Variants in DNAH7 observed in about 807,000 individuals in gnomAD.
DNAH7 encodes axonemal beta dynein heavy chain 7.
A neutral mutation model predicts 444.6 loss-of-function variants in DNAH7; 397 were observed. The ratio of observed to expected loss-of-function variants is 0.89; its 90% CI spans 0.82 to 0.97. DNAH7 has a LOEUF of 0.97. DNAH7 is among the 50% of genes least tolerant of loss of function. The probability of loss-of-function intolerance (pLI) is 0.00; values close to 1 mark genes in which losing one functional copy is unlikely to be tolerated. For synonymous variants in DNAH7, 1,636 were observed against 1,624.4 expected, an observed-to-expected ratio of 1.01 and a Z score of -0.17; for missense variants, 4,902 against 4,800.8, an observed-to-expected ratio of 1.02 and a Z score of -0.62.
At chr2:195,800,074 G>T (rs80290282) in intron 54 of DNAH7, among the ~76,000 whole-genome samples, 4,589 of 152,222 alleles carry the variant, frequency 0.03, 276 homozygotes, top group East Asian at 0.26. Flanking sequence ...TGATTTGGGG[G>T]TGGAATTGCA....
chr2:196,009,058 A>T (rs1371176043), intron 10 of DNAH7, among the ~76,000 whole-genome samples: 2 of 152,146 alleles, frequency 1.3e-5, no homozygotes, highest in Admixed American at 1.3e-4. Flanking sequence ...ACACTTTTAA[A>T]CAACCAGATC....
chr2:195,928,996 C>A (rs1340213121), intron 21 of DNAH7, among the ~76,000 whole-genome samples: 2 of 152,094 alleles, frequency 1.3e-5, no homozygotes, highest in Non-Finnish European at 2.9e-5. Flanking sequence ...CCAAAAGACT[C>A]CTGGAGCTGA....
intron 62 of DNAH7, 117 bp from the exon 63 acceptor site, chr2:195,754,631 C>T: frequency 1.0e-6 from 1 of 970,428 alleles, no homozygotes; most frequent in Non-Finnish European, 1.5e-6. Flanking sequence ...TCACCTCAGC[C>T]TCCCAAGTAG....
chr2:195,783,429 C>A (rs1695481230), intron 58 of DNAH7, among the ~76,000 whole-genome samples: 1 of 152,220 alleles, frequency 6.6e-6, no homozygotes, highest in East Asian at 1.9e-4. Context: ...GGATCTTTCC[C>A]AGCCTCCTCT....
rs1331741918 is a variant in DNAH7 at position 195,808,819 on chromosome 2, A to G, written c.9946T>C (p.Tyr3316His). The G allele has an allele frequency of 3.7e-6, 6 of 1,613,952 alleles. No individual in the cohort carries two copies. Among genetic ancestry groups the G allele is most frequent in the South Asian group, 2.2e-5 (2 of 91,070 alleles). The change falls in exon 53 of 65, where the codon TAT (tyrosine) becomes CAT (histidine). Residue 3316 changes from tyrosine to histidine, a missense_variant. Physicochemically the swap from Tyr to His is moderately conservative, Grantham distance 83 (BLOSUM62 2). Coordinates refer to ENST00000312428, the MANE Select transcript of DNAH7 (RefSeq NM_018897.3). Reference sequence around the variant, plus strand: ...GGAAGCCATGTACAAAGGTTGGCATAAGGATTATCCAGTCCAATGCCACCA... The same window carrying G: ...GGAAGCCATGTACAAAGGTTGGCATGAGGATTATCCAGTCCAATGCCACCA... ...LTGGIGLDNP[Y>H]ANLCTWLPQK...
At chr2:195,915,560 ATCTT>A (rs893125246) in intron 24 of DNAH7, among the ~76,000 whole-genome samples, 13 of 152,332 alleles carry the variant, frequency 8.5e-5, no homozygotes, top group Admixed American at 3.3e-4. Context: ...ATTGAGCAGA[ATCTT>A]TCTATCTTTC....
At chr2:195,896,985 A>G (rs921924209) in intron 29 of DNAH7, among the ~76,000 whole-genome samples, 1 of 152,170 alleles carries the variant, frequency 6.6e-6, no homozygotes, top group Admixed American at 6.5e-5. Context: ...CTAGATTCCT[A>G]TATCTGGAAA....
At chr2:195,752,243 G>A (rs1444079026) in intron 63 of DNAH7, among the ~76,000 whole-genome samples, 1 of 150,174 alleles carries the variant, frequency 6.7e-6, no homozygotes, top group Non-Finnish European at 1.5e-5. Context: ...TACACTGTAG[G>A]TGGGGTCACA....
At chr2:196,063,657 T>C (rs1698256519) in intron 1 of DNAH7, 1 of 152,374 alleles carries the variant, frequency 6.6e-6, no homozygotes, top group African/African-American at 2.4e-5. Context: ...ATCATCATCA[T>C]CAGGTCCAGG....
chr2:195,785,206 C>T (rs1211931845), intron 58 of DNAH7, among the ~76,000 whole-genome samples: 2 of 152,102 alleles, frequency 1.3e-5, no homozygotes, highest in African/African-American at 4.8e-5. Flanking sequence ...CCACCGCACC[C>T]GGCCGACCCA....
Position 196,000,582 on chromosome 2 carries a change from T to C in DNAH7, c.1353+122A>G. On this transcript the variant is annotated intron_variant, in intron 12 of 64. Coordinates refer to ENST00000312428, the MANE Select transcript of DNAH7 (RefSeq NM_018897.3). Reference sequence around the variant, plus strand: ...AAATGGTAGTTTTTTAGGAAAACTTTCTTATAAGCCAACATTATTATATTC... The same window carrying C: ...AAATGGTAGTTTTTTAGGAAAACTTCCTTATAAGCCAACATTATTATATTC... 3 of 874,548 alleles carry C rather than the reference T, an allele frequency of 3.4e-6. No individual in the cohort carries two copies. The Admixed American group carries it at 9.2e-5, about 27-fold the overall frequency. 54.2% of individuals were successfully genotyped at this position (874,548 alleles called of 1,614,324 possible). A position where few individuals can be genotyped will look rare whatever the true frequency, so the allele number is the denominator to read the frequency against.
At position 195,858,668 on chromosome 2, in the gene DNAH7, C is replaced by T. The variant is rs1699855486; in HGVS notation, c.7873G>A (p.Glu2625Lys). The T allele has an allele frequency of 1.9e-6, 3 of 1,614,024 alleles. No individual in the cohort carries two copies. The highest frequency in any genetic ancestry group is 2.5e-6 in the Non-Finnish European group (3 of 1,179,958). ...QLKVASKEVD[E>K]MMIMIEKESV... ...TCTTTCTCAATCATTATCATCATTT[C>T]ATCAACCTCTTTGCTAGCAACTTTT... Residue 2625 changes from glutamate (E) to lysine (K), a missense_variant, in exon 43 of 65, where the codon GAA (glutamate) becomes AAA (lysine). Coordinates refer to ENST00000312428, the MANE Select transcript of DNAH7 (RefSeq NM_018897.3).
At chr2:196,016,981 C>T (rs146405893) in intron 9 of DNAH7, among the ~76,000 whole-genome samples, 242 of 152,074 alleles carry the variant, frequency 1.6e-3, no homozygotes, top group East Asian at 0.01. Context: ...AGGATATGAG[C>T]GAGAGTGCTT....
At chr2:196,033,922 T>G (rs2125805143) in intron 5 of DNAH7, among the ~76,000 whole-genome samples, 1 of 152,302 alleles carries the variant, frequency 6.6e-6, no homozygotes, top group Admixed American at 6.5e-5. Flanking sequence ...TGTACAAAGG[T>G]TCCTTTTCTC....
intron 5 of DNAH7, among the ~76,000 whole-genome samples, chr2:196,038,771 A>G (rs1168678508): frequency 6.6e-6 from 1 of 152,220 alleles, no homozygotes; most frequent in East Asian, 1.9e-4. Context: ...TAAGTAAAAA[A>G]ACATAAAAAG....
intron 48 of DNAH7, among the ~76,000 whole-genome samples, chr2:195,833,244 GAATGA>G (rs1698160940): frequency 6.6e-6 from 1 of 151,794 alleles, no homozygotes; most frequent in African/African-American, 2.4e-5. Flanking sequence ...CCAATTAAAT[GAATGA>G]AATAACACGT....
At chr2:195,890,047 C>A (rs566547874) in intron 31 of DNAH7, among the ~76,000 whole-genome samples, 37 of 152,260 alleles carry the variant, frequency 2.4e-4, no homozygotes, top group African/African-American at 8.7e-4. Flanking sequence ...TTGTATACAC[C>A]AATGATTCCT....
At chr2:195,881,746 C>T in intron 36 of DNAH7, 49 bp downstream of exon 36, 1 of 1,537,156 alleles carries the variant, frequency 6.5e-7, no homozygotes, top group Non-Finnish European at 8.9e-7. Flanking sequence ...CAAAAACATT[C>T]TTAGGAAGAT....
intron 5 of DNAH7, among the ~76,000 whole-genome samples, chr2:196,040,608 C>T (rs60151241): frequency 0.078 from 11,797 of 152,180 alleles, 536 homozygotes; most frequent in African/African-American, 0.12. Flanking sequence ...AAATCTGCAG[C>T]TTTCATCATA....
Sources: allele counts gnomAD v4.1 joint callset (sites outside exome capture counted in the v4.1 genomes callset), GRCh38; gene constraint gnomAD v4.1.1; transcripts MANE v1.5; gene names NCBI Gene and HGNC (gene_info 2026-07-23, HGNC 2026-07-21).